CNTN4: variants seen among roughly 807,000 people sequenced by gnomAD.
CNTN4 encodes the protein contactin-4.
Under a neutral mutation model 122.5 loss-of-function variants are expected in CNTN4, and 77 were observed. That is an observed-to-expected ratio of 0.63 (90% CI 0.52 to 0.76). CNTN4 has a LOEUF of 0.76. CNTN4 is among the 30% of genes least tolerant of loss of function. The pLI is 0.00. For synonymous variants in CNTN4, 512 were observed against 447.0 expected, an observed-to-expected ratio of 1.15 and a Z score of -1.83; for missense variants, 1,256 against 1,259.1, an observed-to-expected ratio of 1.00 and a Z score of 0.04.
At chr3:3,042,810 T>C (rs549595828) in intron 21 of CNTN4, 167 bp from the exon 22 acceptor site, 2 of 650,330 alleles carry the variant, frequency 3.1e-6, no homozygotes, top group East Asian at 2.7e-5. Context: ...CTTCTTACTT[T>C]GGATAATTTC....
At chr3:2,671,640 G>T (rs183461883) in intron 4 of CNTN4, among the ~76,000 whole-genome samples, 1 of 152,140 alleles carries the variant, frequency 6.6e-6, no homozygotes, top group African/African-American at 2.4e-5. Context: ...GAGGAGCTGC[G>T]TTCCTTTGGA....
At chr3:2,658,999 CACA>C (rs2083740229) in intron 4 of CNTN4, among the ~76,000 whole-genome samples, 1 of 149,110 alleles carries the variant, frequency 6.7e-6, no homozygotes, top group Non-Finnish European at 1.5e-5. Context: ...CACACACACA[CACA>C]CACACACAGA....
chr3:2,755,739 T>G (rs183276136), intron 6 of CNTN4, among the ~76,000 whole-genome samples: 1 of 152,142 alleles, frequency 6.6e-6, no homozygotes, highest in Non-Finnish European at 1.5e-5. Flanking sequence ...GTATAGAGAT[T>G]GCTTTAAATT....
intron 3 of CNTN4, among the ~76,000 whole-genome samples, chr3:2,465,505 C>A (rs535343957): frequency 6.6e-6 from 1 of 151,862 alleles, no homozygotes; most frequent in Admixed American, 6.6e-5. Context: ...GGTGAAACCC[C>A]GTCTCTCCTA....
intron 2 of CNTN4, among the ~76,000 whole-genome samples, chr3:2,191,824 C>T (rs1162390220): frequency 6.6e-6 from 1 of 152,050 alleles, no homozygotes; most frequent in Non-Finnish European, 1.5e-5. Context: ...TGGTGTGCTG[C>T]ACCCATTAAC....
At chr3:2,851,334 T>G (rs1362972241) in intron 7 of CNTN4, among the ~76,000 whole-genome samples, 1 of 152,242 alleles carries the variant, frequency 6.6e-6, no homozygotes, top group Non-Finnish European at 1.5e-5. Flanking sequence ...CCAGGCACTC[T>G]CCTCTCCTTA....
At chr3:2,344,337 G>A (rs1216190500) in intron 3 of CNTN4, among the ~76,000 whole-genome samples, 4 of 150,738 alleles carry the variant, frequency 2.7e-5, no homozygotes, top group Admixed American at 6.6e-5. Flanking sequence ...GTGCAGTGGT[G>A]TGATCTCGGC....
intron 20 of CNTN4, among the ~76,000 whole-genome samples, 179 bp from the exon 21 acceptor site, chr3:3,042,131 A>G (rs1302595471): frequency 6.6e-6 from 1 of 152,194 alleles, no homozygotes; most frequent in African/African-American, 2.4e-5. Context: ...CACTGGACAA[A>G]TATTCACTAC....
chr3:2,331,139 G>T (rs1441485980), intron 2 of CNTN4, among the ~76,000 whole-genome samples: 1 of 152,194 alleles, frequency 6.6e-6, no homozygotes, highest in Non-Finnish European at 1.5e-5. Context: ...CAATGGGAAG[G>T]ACAGAATTGT....
chr3:2,708,327 A>G (rs992218965), intron 4 of CNTN4, among the ~76,000 whole-genome samples: 2 of 152,206 alleles, frequency 1.3e-5, no homozygotes, highest in Non-Finnish European at 2.9e-5. Flanking sequence ...TTTCCAACAA[A>G]AAGTAATCAT....
intron 8 of CNTN4, among the ~76,000 whole-genome samples, chr3:2,874,615 G>T (rs2093823225): frequency 1.3e-5 from 2 of 152,132 alleles, no homozygotes; most frequent in Non-Finnish European, 2.9e-5. Context: ...CATACTCAGG[G>T]GAGAATAGAG....
At chr3:2,155,774 G>T (rs191732356) in intron 2 of CNTN4, among the ~76,000 whole-genome samples, 1 of 152,232 alleles carries the variant, frequency 6.6e-6, no homozygotes, top group African/African-American at 2.4e-5. Flanking sequence ...GTCTGCACCA[G>T]AGTCTTTGAA....
chr3:2,796,852 T>C (rs1175863574), intron 6 of CNTN4, among the ~76,000 whole-genome samples: 3 of 152,226 alleles, frequency 2.0e-5, no homozygotes, highest in Admixed American at 6.5e-5. Flanking sequence ...CTTTATAGCA[T>C]TCCTTAAGAG....
chr3:2,504,623 A>G (rs1207063182), intron 3 of CNTN4, among the ~76,000 whole-genome samples: 1 of 152,216 alleles, frequency 6.6e-6, no homozygotes, highest in Non-Finnish European at 1.5e-5. Flanking sequence ...GGAGAAAACT[A>G]TATGTAATCT....
chr3:2,543,678 G>A (rs975621372), intron 3 of CNTN4, among the ~76,000 whole-genome samples: 4 of 152,012 alleles, frequency 2.6e-5, no homozygotes, highest in Non-Finnish European at 5.9e-5. Context: ...GCATTTAGAC[G>A]TTGCAGAGAG....
intron 8 of CNTN4, among the ~76,000 whole-genome samples, chr3:2,870,388 G>T (rs758484736): frequency 6.6e-6 from 1 of 152,078 alleles, no homozygotes; most frequent in Non-Finnish European, 1.5e-5. Flanking sequence ...ATTTACACTG[G>T]AGTATATAAA....
intron 3 of CNTN4, among the ~76,000 whole-genome samples, chr3:2,374,622 C>T (rs1310491052): frequency 6.6e-6 from 1 of 151,704 alleles, no homozygotes; most frequent in Non-Finnish European, 1.5e-5. Flanking sequence ...ACTAATGTGG[C>T]AAGGCTTGTT....
At chr3:2,274,564 C>G (rs1352100955) in intron 2 of CNTN4, among the ~76,000 whole-genome samples, 1 of 151,846 alleles carries the variant, frequency 6.6e-6, no homozygotes, top group African/African-American at 2.4e-5. Context: ...CCCTCATAGA[C>G]AAATGCTAAC....
In CNTN4 at chr3:2,699,871, G is replaced by C. The variant is rs141044242; in HGVS notation, c.56-36344G>C. Among the ~76,000 whole-genome samples, 682 of 152,222 alleles carry C rather than the reference G, an allele frequency of 4.5e-3. 4 individuals are homozygous for C. Among genetic ancestry groups the C allele is most frequent in the African/African-American group, 0.016 (656 of 41,526 alleles). On this transcript the variant is annotated intron_variant, in intron 4 of 24. Coordinates refer to ENST00000418658, the MANE Select transcript of CNTN4 (RefSeq NM_175607.3). The stretch of plus-strand genomic sequence containing the variant: ...ATTATTGGCATTTTAGACATGGTTG[G>C]TATTATACAGCTGAATCTCTGCACA...
Sources: allele counts gnomAD v4.1 joint callset (sites outside exome capture counted in the v4.1 genomes callset), GRCh38; gene constraint gnomAD v4.1.1; transcripts MANE v1.5; gene names NCBI Gene and HGNC (gene_info 2026-07-23, HGNC 2026-07-21).